NAV2: variants seen among roughly 807,000 people sequenced by gnomAD.
NAV2 encodes helicase, APC down-regulated 1.
NAV2 carries 54 observed loss-of-function variants against 223.2 expected under a neutral mutation model. The observed-to-expected ratio is 0.24, with a 90% confidence interval of 0.19 to 0.30. The LOEUF (loss-of-function observed/expected upper bound fraction) is 0.30. Among genes scored for constraint, NAV2 ranks in the 10% least tolerant of loss-of-function variants. NAV2 has a pLI of 1.00. For synonymous variants in NAV2, 1,279 were observed against 1,239.3 expected, an observed-to-expected ratio of 1.03 and a Z score of -0.67; for missense variants, 2,806 against 3,147.5, an observed-to-expected ratio of 0.89 and a Z score of 2.60.
chr11:19,369,148 T>G (rs1848387526), intron 1 of NAV2, among the ~76,000 whole-genome samples: 1 of 151,710 alleles, frequency 6.6e-6, no homozygotes, highest in Non-Finnish European at 1.5e-5. Flanking sequence ...TCCTTGGAGG[T>G]TTCAGCAGGA....
intron 1 of NAV2, among the ~76,000 whole-genome samples, chr11:19,532,025 G>A (rs1316574522): frequency 6.6e-6 from 1 of 152,174 alleles, no homozygotes; most frequent in Non-Finnish European, 1.5e-5. Context: ...AAAAAATTAG[G>A]TTGGTGCAAA....
chr11:19,488,539 C>T (rs1311883808), intron 1 of NAV2, among the ~76,000 whole-genome samples: 2 of 152,168 alleles, frequency 1.3e-5, no homozygotes, highest in Non-Finnish European at 2.9e-5. Context: ...TAGCATCTCA[C>T]TTTTGTCCTT....
chr11:20,037,926 T>C (rs2056550035), intron 12 of NAV2, among the ~76,000 whole-genome samples: 1 of 2,680 alleles, frequency 3.7e-4, no homozygotes, highest in African/African-American at 4.0e-4. Flanking sequence ...ACCAAGGAAT[T>C]GCTCACCCTG....
At position 20,044,958 on chromosome 11, in the gene NAV2, T is replaced by C; in HGVS notation, c.3200-10T>C. 1 of 1,593,088 alleles carries C rather than the reference T, an allele frequency of 6.3e-7. No homozygotes were observed. The highest frequency in any genetic ancestry group is 1.1e-5 in the South Asian group (1 of 87,646). ...GGCTTGCAGGCTAATCTTGCTGATC[T>C]CTCTCTTAGGAAAAACAGACGACGC... On this transcript the variant is annotated splice_polypyrimidine_tract_variant and intron_variant, in intron 13 of 37. Coordinates refer to ENST00000349880, the MANE Select transcript of NAV2 (RefSeq NM_145117.5).
intron 3 of NAV2, among the ~76,000 whole-genome samples, chr11:19,857,966 C>T (rs1435996055): frequency 6.6e-6 from 1 of 152,206 alleles, no homozygotes; most frequent in African/African-American, 2.4e-5. Flanking sequence ...ATGCCATTCT[C>T]CTGCCTCAGC....
At chr11:19,778,313 C>G (rs376042102) in intron 1 of NAV2, 12 of 455,506 alleles carry the variant, frequency 2.6e-5, no homozygotes, top group South Asian at 1.7e-4. Context: ...TCGGTTAACC[C>G]CCTTGGATGT....
intron 1 of NAV2, among the ~76,000 whole-genome samples, chr11:19,470,446 G>T (rs1051586757): frequency 2.0e-5 from 3 of 152,208 alleles, no homozygotes; most frequent in African/African-American, 7.2e-5. Context: ...AAGCTCAGAA[G>T]TCTGATATCA....
At chr11:19,648,036 G>T (rs779133417) in intron 1 of NAV2, among the ~76,000 whole-genome samples, 3 of 152,202 alleles carry the variant, frequency 2.0e-5, no homozygotes, top group Non-Finnish European at 2.9e-5. Flanking sequence ...AGGGTGGCTT[G>T]ATATGCTGTG....
At chr11:19,675,111 T>G (rs1417781190) in intron 1 of NAV2, among the ~76,000 whole-genome samples, 2 of 152,100 alleles carry the variant, frequency 1.3e-5, no homozygotes, top group Non-Finnish European at 1.5e-5. Flanking sequence ...GAGAGAAACC[T>G]CCAGGATCCT....
chr11:20,002,448 C>A (rs1320849097), intron 11 of NAV2, among the ~76,000 whole-genome samples: 1 of 152,070 alleles, frequency 6.6e-6, no homozygotes, highest in African/African-American at 2.4e-5. Context: ...GATGTCAGTG[C>A]GTTCAGATTC....
At chr11:19,832,339 C>CA (rs2059991665) in intron 1 of NAV2, 145 bp from the exon 2 acceptor site, 1 of 687,778 alleles carries the variant, frequency 1.5e-6, no homozygotes, top group Admixed American at 2.1e-5. Flanking sequence ...GTGATCAGCA[C>CA]AATGCACTGA....
intron 8 of NAV2, 82 bp downstream of exon 8, chr11:19,939,855 C>G (rs1440704021): frequency 2.2e-6 from 2 of 891,324 alleles, no homozygotes; most frequent in East Asian, 5.5e-5. Flanking sequence ...ATGAACCCAG[C>G]TTGATTACGA....
intron 1 of NAV2, among the ~76,000 whole-genome samples, chr11:19,700,273 G>A (rs2049473807): frequency 6.6e-6 from 1 of 152,182 alleles, no homozygotes; most frequent in South Asian, 2.1e-4. Context: ...GAGGCACAGA[G>A]AGATTAAGTA....
intron 1 of NAV2, among the ~76,000 whole-genome samples, chr11:19,435,459 A>G (rs1025957195): frequency 6.6e-6 from 1 of 152,142 alleles, no homozygotes; most frequent in South Asian, 2.1e-4. Context: ...TACCACATTT[A>G]AAAACTCTAT....
chr11:19,518,538 G>A (rs2043536710), intron 1 of NAV2: 1 of 152,214 alleles, frequency 6.6e-6, no homozygotes, highest in African/African-American at 2.4e-5. Context: ...GGCTGTGTCA[G>A]TAGACATCCT....
At chr11:19,531,748 T>G (rs2044033332) in intron 1 of NAV2, among the ~76,000 whole-genome samples, 1 of 152,174 alleles carries the variant, frequency 6.6e-6, no homozygotes, top group African/African-American at 2.4e-5. Context: ...TTCAAGGGTG[T>G]GTTCTAGGGG....
intron 32 of NAV2, 69 bp from the exon 33 acceptor site, chr11:20,103,186 C>T (rs2061762143): frequency 6.7e-7 from 1 of 1,502,482 alleles, no homozygotes; most frequent in Non-Finnish European, 9.1e-7. Context: ...AGGCAAAGGC[C>T]CTGAGCGGTG....
chr11:19,526,570 G>C (rs1358457317), intron 1 of NAV2, among the ~76,000 whole-genome samples: 1 of 151,966 alleles, frequency 6.6e-6, no homozygotes, highest in Admixed American at 6.6e-5. Flanking sequence ...AAGAAGAAGG[G>C]GAAAAGAGGG....
chr11:20,021,432 G>A (rs1404027832), intron 11 of NAV2, among the ~76,000 whole-genome samples: 1 of 152,182 alleles, frequency 6.6e-6, no homozygotes, highest in Non-Finnish European at 1.5e-5. Context: ...AAACTTTTTA[G>A]AGCGTGTGTG....
Sources: allele counts gnomAD v4.1 joint callset (sites outside exome capture counted in the v4.1 genomes callset), GRCh38; gene constraint gnomAD v4.1.1; transcripts MANE v1.5; gene names NCBI Gene and HGNC (gene_info 2026-07-23, HGNC 2026-07-21).